The following ACSS3 variants were observed in gnomAD, a reference collection of about 807,000 sequenced individuals.
ACSS3 encodes the protein acyl-CoA synthetase short chain family member 3.
Under a neutral mutation model 84.2 loss-of-function variants are expected in ACSS3, and 64 were observed. The observed-to-expected ratio is 0.76, with a 90% CI of 0.62 to 0.94. The LOEUF (loss-of-function observed/expected upper bound fraction) is 0.94, where lower values mean the gene tolerates loss of function less well. Ranked by LOEUF, ACSS3 falls within the 40% of genes least tolerant of loss-of-function variation. The probability of loss-of-function intolerance (pLI) is 0.00; values close to 1 mark genes in which losing one functional copy is unlikely to be tolerated. For synonymous variants in ACSS3, 317 were observed against 310.1 expected, an observed-to-expected ratio of 1.02 and a Z score of -0.23; for missense variants, 815 against 867.6, an observed-to-expected ratio of 0.94 and a Z score of 0.76.
In ACSS3 at chr12:81,233,381, G is replaced by A; in HGVS notation, c.1629G>A (p.Met543Ile). 3 of 1,610,872 alleles carry A rather than the reference G, an allele frequency of 1.9e-6. No homozygotes were observed. Among genetic ancestry groups the A allele is most frequent in the South Asian group, 1.1e-5 (1 of 90,986 alleles). The stretch of plus-strand genomic sequence containing the variant: ...ATGATACCATGGATGCTGGTTACAT[G>A]GATGAAGAAGGCTATTTGTATGTTA... ...GYYDTMDAGY[M>I]DEEGYLYVMS... The change falls in exon 13 of 16, where the codon ATG becomes ATA. Residue 543 changes from methionine to isoleucine, a missense_variant. Met to Ile is a conservative substitution (Grantham distance 10). Transcript: ENST00000548058.
chr12:81,111,163 G>T (rs935149888), intron 2 of ACSS3, among the ~76,000 whole-genome samples: 1 of 152,130 alleles, frequency 6.6e-6, no homozygotes, highest in East Asian at 1.9e-4. Flanking sequence ...AGACTGAAGA[G>T]CCAGGCTTAG....
At chr12:81,243,544 A>G (rs1414220082) in intron 13 of ACSS3, among the ~76,000 whole-genome samples, 1 of 152,214 alleles carries the variant, frequency 6.6e-6, no homozygotes, top group Non-Finnish European at 1.5e-5. Context: ...AAGAGCCTGC[A>G]TCGTCAAGTC....
rs139549042 is a variant in ACSS3, at chr12:81,185,796, C to T, written c.1250+10857C>T. Among the ~76,000 whole-genome samples, 322 of 151,850 alleles carry T rather than the reference C, an allele frequency of 2.1e-3. 1 individual carries two copies. The highest frequency in any genetic ancestry group is 7.1e-3 in the African/African-American group (293 of 41,518). ...TATCCATACTATCAAGAGCAATACA[C>T]AGATTCAATGCAATCCCTATCAAAA... On this transcript the variant is annotated intron_variant, in intron 8 of 15. Transcript: ENST00000548058.
chr12:81,225,176 T>TTCTGTATGTGTGTGTC (rs1436064052), intron 11 of ACSS3, among the ~76,000 whole-genome samples: 1 of 151,308 alleles, frequency 6.6e-6, no homozygotes, highest in African/African-American at 2.4e-5. Flanking sequence ...GTGTGTGTGT[T>TTCTGTATGTGTGTGTC]TCTGTATGTG....
At chr12:81,193,184 G>A (rs1243892162) in intron 8 of ACSS3, among the ~76,000 whole-genome samples, 1 of 152,042 alleles carries the variant, frequency 6.6e-6, no homozygotes, top group Non-Finnish European at 1.5e-5. Flanking sequence ...ATATATTGAT[G>A]GCAAAAAATA....
chr12:81,249,124 G>C (rs1426358728), intron 13 of ACSS3, among the ~76,000 whole-genome samples: 4 of 152,000 alleles, frequency 2.6e-5, no homozygotes, highest in African/African-American at 9.7e-5. Context: ...TGAAAGCCCA[G>C]CATTGAGCTA....
chr12:81,127,515 AT>A (rs1885182351), intron 2 of ACSS3, among the ~76,000 whole-genome samples: 1 of 152,200 alleles, frequency 6.6e-6, no homozygotes, highest in Non-Finnish European at 1.5e-5. Context: ...AGGTGCAAGT[AT>A]TTTATATAAC....
intron 2 of ACSS3, among the ~76,000 whole-genome samples, chr12:81,120,800 G>A (rs1395155885): frequency 6.6e-6 from 1 of 152,158 alleles, no homozygotes; most frequent in African/African-American, 2.4e-5. Flanking sequence ...AGACCTTGGA[G>A]ATATTGACTG....
chr12:81,225,129 A>G (rs1300409088), intron 11 of ACSS3, among the ~76,000 whole-genome samples: 1 of 151,682 alleles, frequency 6.6e-6, no homozygotes. Flanking sequence ...CTTGGAACAT[A>G]TTCCATGTAG....
chr12:81,248,578 T>C (rs978377883), intron 13 of ACSS3, among the ~76,000 whole-genome samples: 8 of 151,844 alleles, frequency 5.3e-5, no homozygotes, highest in African/African-American at 1.2e-4. Flanking sequence ...TGAAAGGACA[T>C]GAAAAGAGAT....
Position 81,213,840 on chromosome 12 carries a change from T to TCTCTTCTCTTCTCTC in ACSS3, c.1355-3057_1355-3056insTCTCTTCTCTCCTCT, listed in dbSNP as rs1372554843. ...TCTCTTCTCTTCTCTTCTCTTCTCT[T>TCTCTTCTCTTCTCTC]CTCTCCTCTCCTCTCTTCTCTTCCT... On this transcript the variant is annotated intron_variant, in intron 9 of 15. Transcript: ENST00000548058. Among the ~76,000 whole-genome samples, 87 of 25,854 alleles carry TCTCTTCTCTTCTCTC rather than the reference T, an allele frequency of 3.4e-3. 1 individual carries two copies. The highest frequency in any genetic ancestry group is 3.8e-3 in the Non-Finnish European group (30 of 7,926). 17.0% of individuals were successfully genotyped at this position (25,854 alleles called of 152,430 possible).
Position 81,096,570 on chromosome 12 carries a change from G to A in ACSS3, c.312-12990G>A, listed in dbSNP as rs571226156. Among the ~76,000 whole-genome samples, 86 of 152,160 alleles carry A rather than the reference G, an allele frequency of 5.7e-4. 1 individual carries two copies. Among genetic ancestry groups the A allele is most frequent in the Non-Finnish European group, 9.9e-4 (67 of 68,016 alleles). On this transcript the variant is annotated intron_variant, in intron 1 of 15. Coordinates refer to ENST00000548058, the MANE Select transcript of ACSS3 (RefSeq NM_024560.4). ...CATGTGCCATGTGGTTTGCTGCACC[G>A]ATCAACCGGTCATCTACATTAGGTA...
At chr12:81,170,276 C>A (rs185359921) in intron 7 of ACSS3, among the ~76,000 whole-genome samples, 2 of 152,140 alleles carry the variant, frequency 1.3e-5, no homozygotes, top group East Asian at 3.9e-4. Flanking sequence ...CTGACTGGGG[C>A]CTTGTCATCT....
chr12:81,079,154 G>A (rs1008273119), intron 1 of ACSS3, among the ~76,000 whole-genome samples: 5 of 152,174 alleles, frequency 3.3e-5, no homozygotes, highest in Non-Finnish European at 4.4e-5. Context: ...GGTGATGTTA[G>A]AAGTCATGGT....
chr12:81,110,339 A>G (rs1347127734), intron 2 of ACSS3, among the ~76,000 whole-genome samples: 4 of 152,064 alleles, frequency 2.6e-5, no homozygotes, highest in African/African-American at 9.7e-5. Context: ...CTCTTTGAAC[A>G]TGTTCATTCC....
At chr12:81,139,628 T>C (rs1268401014) in intron 4 of ACSS3, among the ~76,000 whole-genome samples, 1 of 141,808 alleles carries the variant, frequency 7.1e-6, no homozygotes, top group African/African-American at 2.6e-5. Flanking sequence ...AAAATAATAA[T>C]AATAATAATT....
chr12:81,198,318 G>C (rs2031933697), intron 8 of ACSS3, among the ~76,000 whole-genome samples: 1 of 152,096 alleles, frequency 6.6e-6, no homozygotes, highest in Non-Finnish European at 1.5e-5. Flanking sequence ...AAAAACAAAA[G>C]AAGTCTAGAA....
chr12:81,210,406 G>A (rs946140060), intron 9 of ACSS3, among the ~76,000 whole-genome samples: 1 of 152,110 alleles, frequency 6.6e-6, no homozygotes. Flanking sequence ...AGATTTAAAC[G>A]TGTTCAATTT....
At chr12:81,147,808 C>T (rs145711489) in intron 5 of ACSS3, among the ~76,000 whole-genome samples, 43 of 151,860 alleles carry the variant, frequency 2.8e-4, no homozygotes, top group African/African-American at 9.4e-4. Flanking sequence ...GGTTTCTTTT[C>T]TTTCCTTCAA....
Sources: allele counts gnomAD v4.1 joint callset (sites outside exome capture counted in the v4.1 genomes callset), GRCh38; gene constraint gnomAD v4.1.1; transcripts MANE v1.5; gene names NCBI Gene and HGNC (gene_info 2026-07-23, HGNC 2026-07-21).